CAMK1D: variants seen among roughly 807,000 people sequenced by gnomAD.
CAMK1D encodes calcium/calmodulin dependent protein kinase ID, also known as calcium/calmodulin-dependent protein kinase type 1D.
A neutral mutation model predicts 47.7 loss-of-function variants in CAMK1D; 9 were observed. The ratio of observed to expected loss-of-function variants is 0.19; its 90% CI spans 0.11 to 0.33. CAMK1D has a LOEUF of 0.33. CAMK1D is among the 10% of genes least tolerant of loss of function. The pLI is 1.00. For missense variants in CAMK1D, 291 were observed against 488.7 expected, an observed-to-expected ratio of 0.60 and a Z score of 3.81; for synonymous variants, 184 against 184.9, an observed-to-expected ratio of 0.99 and a Z score of 0.04.
At chr10:12,548,627 G>A (rs546911088) in intron 1 of CAMK1D, among the ~76,000 whole-genome samples, 11 of 151,586 alleles carry the variant, frequency 7.3e-5, no homozygotes, top group Non-Finnish European at 1.6e-4. Context: ...ACCGTACCTG[G>A]CTAATTTTTA....
At chr10:12,361,545 C>CTTTT (rs36015215) in intron 1 of CAMK1D, among the ~76,000 whole-genome samples, 9 of 63,078 alleles carry the variant, frequency 1.4e-4, no homozygotes, top group East Asian at 5.5e-4. Context: ...GTGCCTGGCC[C>CTTTT]TTTTTTTTTT....
intron 6 of CAMK1D, among the ~76,000 whole-genome samples, chr10:12,803,273 A>G (rs1838563382): frequency 6.6e-6 from 1 of 152,288 alleles, no homozygotes; most frequent in African/African-American, 2.4e-5. Context: ...TAAATGTTCC[A>G]CTGTCCCATT....
At chr10:12,373,141 A>G (rs1030628017) in intron 1 of CAMK1D, among the ~76,000 whole-genome samples, 1 of 151,962 alleles carries the variant, frequency 6.6e-6, no homozygotes, top group Non-Finnish European at 1.5e-5. Flanking sequence ...CTTCCTGGAA[A>G]TTGGTACTGT....
In CAMK1D at chr10:12,452,109, C is replaced by T. The variant is rs117441014; in HGVS notation, c.93-101116C>T. Among the ~76,000 whole-genome samples, 49 of 152,214 alleles carry T rather than the reference C, an allele frequency of 3.2e-4. 2 individuals are homozygous for T. The East Asian group carries it at 8.7e-3, about 27-fold the overall frequency. On this transcript the variant is annotated intron_variant, in intron 1 of 10. Coordinates refer to ENST00000619168, the MANE Select transcript of CAMK1D (RefSeq NM_153498.4). Reference sequence around the variant, plus strand: ...AGTCAGGTGGGCGATGTTTGCGGATCCCTTTGCAAGCCTGTTTTCACAGTG... The same window carrying T: ...AGTCAGGTGGGCGATGTTTGCGGATTCCTTTGCAAGCCTGTTTTCACAGTG...
At chr10:12,609,944 T>C (rs922416681) in intron 2 of CAMK1D, among the ~76,000 whole-genome samples, 8 of 152,114 alleles carry the variant, frequency 5.3e-5, no homozygotes, top group Non-Finnish European at 1.2e-4. Context: ...GTCCCTTGGA[T>C]TTAGTGACAG....
chr10:12,620,487 T>C (rs998839902), intron 2 of CAMK1D, among the ~76,000 whole-genome samples: 6 of 152,262 alleles, frequency 3.9e-5, no homozygotes, highest in South Asian at 4.1e-4. Context: ...GGTGTCTTAT[T>C]GGAATATTAA....
chr10:12,765,608 T>G (rs1173986005), intron 4 of CAMK1D, among the ~76,000 whole-genome samples: 1 of 152,230 alleles, frequency 6.6e-6, no homozygotes, highest in Non-Finnish European at 1.5e-5. Flanking sequence ...AGATCCCTAA[T>G]GCCTTTGAAG....
intron 1 of CAMK1D, among the ~76,000 whole-genome samples, chr10:12,409,110 A>G (rs1371033942): frequency 3.3e-5 from 5 of 150,134 alleles, no homozygotes; most frequent in Non-Finnish European, 7.4e-5. Context: ...GCCTGCCTCA[A>G]CCTCCCAAAG....
intron 2 of CAMK1D, among the ~76,000 whole-genome samples, chr10:12,649,328 G>A (rs946339907): frequency 1.3e-5 from 2 of 152,240 alleles, no homozygotes; most frequent in Non-Finnish European, 2.9e-5. Flanking sequence ...GCAGATAGAT[G>A]GATGTGTGTC....
intron 1 of CAMK1D, among the ~76,000 whole-genome samples, chr10:12,380,601 T>G (rs1016332202): frequency 1.3e-5 from 2 of 152,316 alleles, no homozygotes; most frequent in South Asian, 2.1e-4. Flanking sequence ...CTCATGCCTG[T>G]AATCCCAGCA....
intron 2 of CAMK1D, among the ~76,000 whole-genome samples, chr10:12,649,110 C>G (rs1839890976): frequency 1.3e-5 from 2 of 152,188 alleles, no homozygotes; most frequent in Non-Finnish European, 2.9e-5. Flanking sequence ...TCAAGCAGGC[C>G]TCTCACTTTG....
chr10:12,493,391 C>A (rs1005342050), intron 1 of CAMK1D, among the ~76,000 whole-genome samples: 6 of 152,194 alleles, frequency 3.9e-5, no homozygotes, highest in Non-Finnish European at 5.9e-5. Flanking sequence ...TCGCTGAGTC[C>A]ATGTTCTTAA....
At chr10:12,564,520 C>T (rs1057111406) in intron 2 of CAMK1D, among the ~76,000 whole-genome samples, 11 of 152,142 alleles carry the variant, frequency 7.2e-5, no homozygotes, top group African/African-American at 2.4e-4. Flanking sequence ...GAGTTGTTTA[C>T]TGTTTTTAAG....
intron 3 of CAMK1D, among the ~76,000 whole-genome samples, chr10:12,673,575 AT>A (rs1840699949): frequency 6.6e-6 from 1 of 152,164 alleles, no homozygotes; most frequent in African/African-American, 2.4e-5. Context: ...GTCGTCTGAA[AT>A]TTACATTAAT....
intron 5 of CAMK1D, among the ~76,000 whole-genome samples, chr10:12,774,805 T>C (rs947159183): frequency 2.0e-5 from 3 of 152,230 alleles, no homozygotes; most frequent in Non-Finnish European, 4.4e-5. Context: ...GAGATTTAGG[T>C]TGCGCGCTCC....
intron 1 of CAMK1D, among the ~76,000 whole-genome samples, chr10:12,398,195 C>A (rs1314308158): frequency 1.3e-5 from 2 of 152,012 alleles, no homozygotes; most frequent in African/African-American, 4.8e-5. Context: ...ACTGGAATTT[C>A]TACCTCATTC....
intron 8 of CAMK1D, among the ~76,000 whole-genome samples, chr10:12,819,548 G>A (rs1008235295): frequency 6.6e-5 from 10 of 152,190 alleles, no homozygotes; most frequent in Non-Finnish European, 5.9e-5. Context: ...ACAATAATAC[G>A]GACCCCGCAG....
intron 3 of CAMK1D, among the ~76,000 whole-genome samples, chr10:12,747,276 C>T (rs1375928063): frequency 2.0e-5 from 3 of 152,082 alleles, no homozygotes; most frequent in Admixed American, 6.5e-5. Context: ...ATGTTCCACC[C>T]GCCTCAGCCT....
chr10:12,821,477 A>G (rs755664876), intron 8 of CAMK1D, among the ~76,000 whole-genome samples: 1 of 152,172 alleles, frequency 6.6e-6, no homozygotes, highest in African/African-American at 2.4e-5. Context: ...CCGGGTACAC[A>G]CCAGGCACCA....
Sources: allele counts gnomAD v4.1 joint callset (sites outside exome capture counted in the v4.1 genomes callset), GRCh38; gene constraint gnomAD v4.1.1; transcripts MANE v1.5; gene names NCBI Gene and HGNC (gene_info 2026-07-23, HGNC 2026-07-21).